LNPK: variants seen among roughly 807,000 people sequenced by gnomAD.
The protein encoded by LNPK is lunapark, ER junction formation factor.
In LNPK, 29 loss-of-function variants were observed where a neutral mutation model predicts 55.2. The ratio of observed to expected loss-of-function variants is 0.53; its 90% CI spans 0.39 to 0.72. LNPK has a LOEUF of 0.72. LNPK is among the 30% of genes least tolerant of loss of function. The pLI is 0.00. For missense variants in LNPK, 467 were observed against 494.8 expected (o/e 0.94, Z 0.53); for synonymous variants, 162 against 168.2 (o/e 0.96, Z 0.29).
chr2:175,999,395 G>A (rs12467858), intron 1 of LNPK, among the ~76,000 whole-genome samples: 10,997 of 152,200 alleles, frequency 0.072, 429 homozygotes, highest in South Asian at 0.098. Context: ...GTAAAAGAGG[G>A]ATAGTTAAGG....
chr2:175,990,449 C>A (rs755592128), intron 4 of LNPK, among the ~76,000 whole-genome samples: 1 of 152,182 alleles, frequency 6.6e-6, no homozygotes, highest in Admixed American at 6.5e-5. Context: ...CTTGTACAGT[C>A]TGCAGAACCA....
chr2:175,967,123 A>G (rs1227288433), intron 6 of LNPK, among the ~76,000 whole-genome samples: 2 of 152,192 alleles, frequency 1.3e-5, no homozygotes, highest in Non-Finnish European at 2.9e-5. Context: ...GCAGCCCAAA[A>G]CAAATTCGTA....
upstream of LNPK, chr2:176,002,386 G>A (rs1688206195): frequency 2.8e-6 from 1 of 357,238 alleles, no homozygotes. Context: ...TAGTTGTTGG[G>A]GCGGGTCGGC....
At chr2:175,944,621 T>C (rs1018685439) in intron 9 of LNPK, among the ~76,000 whole-genome samples, 1 of 152,122 alleles carries the variant, frequency 6.6e-6, no homozygotes, top group African/African-American at 2.4e-5. Flanking sequence ...GAGGTTTACA[T>C]GGAGACTTCA....
intron 6 of LNPK, among the ~76,000 whole-genome samples, chr2:175,969,905 G>A (rs1686572853): frequency 6.6e-6 from 1 of 152,000 alleles, no homozygotes; most frequent in African/African-American, 2.4e-5. Flanking sequence ...CTTAAAACCA[G>A]TATCTATTAT....
chr2:175,990,236 G>C (rs186217982), intron 4 of LNPK, among the ~76,000 whole-genome samples: 2 of 152,326 alleles, frequency 1.3e-5, no homozygotes, highest in East Asian at 3.9e-4. Context: ...ATGAACAGAT[G>C]AATGTCCTCC....
At chr2:175,988,079 T>A (rs1380717873) in intron 4 of LNPK, among the ~76,000 whole-genome samples, 3 of 152,226 alleles carry the variant, frequency 2.0e-5, no homozygotes, top group African/African-American at 4.8e-5. Context: ...CCAACCTTCA[T>A]ATATGCAACA....
rs1373615962 is a variant in LNPK at position 175,928,681 on chromosome 2, T to TA, written c.*1285_*1286insT. The TA allele has an allele frequency of 6.6e-6, 1 of 152,114 alleles. No homozygotes were observed. The highest frequency in any genetic ancestry group is 1.5e-5 in the Non-Finnish European group (1 of 68,002). 9.4% of individuals were successfully genotyped at this position (152,114 alleles called of 1,614,324 possible). The stretch of plus-strand genomic sequence containing the variant: ...TATTTTTCCCTTCAGCATAATAATT[T>TA]GATTTCCATTTTTTTTAATATTGGA... On this transcript the variant is annotated 3_prime_UTR_variant, in exon 13 of 13. Transcript: ENST00000272748.
In LNPK at chr2:175,992,262, T is replaced by C. The variant is rs763540898; in HGVS notation, c.226A>G (p.Met76Val). 1.9e-6 allele frequency: 3 copies of C among 1,561,584 alleles called. No individual in the cohort carries two copies. The highest frequency in any genetic ancestry group is 2.2e-5 in the Admixed American group (1 of 45,824). ...LPDEFTARLA[M>V]TLPFFAFPLI... is the part of the protein sequence containing the mutation. The stretch of plus-strand genomic sequence containing the variant: ...GGAAAAGCAAAAAATGGGAGTGTCA[T>C]GGCAAGTCTTGCTGTAAATTCATCA... Residue 76 changes from methionine (M) to valine (V), a missense_variant, in exon 4 of 13, where the codon ATG becomes GTG. Met to Val is a conservative substitution (Grantham distance 21). Transcript: ENST00000272748.
intron 10 of LNPK, 85 bp downstream of exon 10, chr2:175,939,467 C>A: frequency 1.7e-6 from 1 of 596,342 alleles, no homozygotes; most frequent in Non-Finnish European, 2.9e-6. Context: ...AAAATAGGTG[C>A]CACAAAACTA....
intron 12 of LNPK, among the ~76,000 whole-genome samples, chr2:175,934,848 A>C (rs1193414303): frequency 6.6e-6 from 1 of 151,992 alleles, no homozygotes; most frequent in African/African-American, 2.4e-5. Flanking sequence ...TTACCAAAGC[A>C]TCTGGATGTA....
intron 8 of LNPK, among the ~76,000 whole-genome samples, chr2:175,951,776 G>A (rs1685432478): frequency 6.6e-6 from 1 of 151,592 alleles, no homozygotes; most frequent in Admixed American, 6.6e-5. Flanking sequence ...GGATCAAATG[G>A]TAGTTCTACT....
intron 1 of LNPK, among the ~76,000 whole-genome samples, chr2:175,996,818 CA>C (rs1413530412): frequency 6.6e-6 from 1 of 152,128 alleles, no homozygotes; most frequent in Non-Finnish European, 1.5e-5. Context: ...ATAGACTCAA[CA>C]ATATTATATT....
chr2:175,986,735 C>A (rs1687432640), intron 4 of LNPK, among the ~76,000 whole-genome samples: 1 of 151,722 alleles, frequency 6.6e-6, no homozygotes, highest in Non-Finnish European at 1.5e-5. Flanking sequence ...ATTCAACAAC[C>A]TTTCTTGATT....
At chr2:175,981,373 A>AC (rs1687166719) in intron 4 of LNPK, among the ~76,000 whole-genome samples, 1 of 152,212 alleles carries the variant, frequency 6.6e-6, no homozygotes, top group Non-Finnish European at 1.5e-5. Flanking sequence ...AACACTCAGC[A>AC]AAGAACTGAT....
At position 175,993,562 on chromosome 2, in the gene LNPK, T is replaced by C. The variant is rs150692748; in HGVS notation, c.28-339A>G. Among the ~76,000 whole-genome samples the C allele has an allele frequency of 2.3e-3, 351 of 152,254 alleles. 1 individual carries two copies. Among genetic ancestry groups the C allele is most frequent in the African/African-American group, 8.1e-3 (336 of 41,576 alleles). On this transcript the variant is annotated intron_variant, in intron 2 of 12. Transcript: ENST00000272748. Reference sequence around the variant, plus strand: ...ACGCACGGTGGCTCACGCCTGCACTTTGGGAGGCCAAGGTGGGCGGATCAC... The same window carrying C: ...ACGCACGGTGGCTCACGCCTGCACTCTGGGAGGCCAAGGTGGGCGGATCAC...
rs189356484 is a variant in LNPK at position 175,946,864 on chromosome 2, G to A, written c.706+616C>T. ...GTCACACTCCAAAAGAAACTGGAGGGTACTATAGTCTATTACACTTCAGAA... is the reference window on the plus strand; with the variant it reads ...GTCACACTCCAAAAGAAACTGGAGGATACTATAGTCTATTACACTTCAGAA... On this transcript the variant is annotated intron_variant, in intron 9 of 12. Transcript: ENST00000272748. 4.7e-3 allele frequency among the ~76,000 whole-genome samples: 715 copies of A among 152,204 alleles called. 7 individuals are homozygous for A. The highest frequency in any genetic ancestry group is 8.6e-3 in the Non-Finnish European group (586 of 67,988).
At chr2:175,991,646 TACCATAC>T (rs1197977682) in intron 4 of LNPK, among the ~76,000 whole-genome samples, 1 of 152,232 alleles carries the variant, frequency 6.6e-6, no homozygotes, top group African/African-American at 2.4e-5. Context: ...TATTTTTATG[TACCATAC>T]ACCATTATAA....
At position 176,002,196 on chromosome 2, in the gene LNPK, C is replaced by G. The variant is rs1257191323; in HGVS notation, c.-99G>C. 2.2e-6 allele frequency: 1 copy of G among 449,682 alleles called. No homozygotes were observed. Among genetic ancestry groups the G allele is most frequent in the South Asian group, 1.6e-5 (1 of 63,720 alleles). 27.9% of individuals were successfully genotyped at this position (449,682 alleles called of 1,614,324 possible). ...GGGCGCAGCCCGGCCCGGGCGTCCACCCCCGCCAGTCTCGGCCGCCACCGC... is the reference window on the plus strand; with the variant it reads ...GGGCGCAGCCCGGCCCGGGCGTCCAGCCCCGCCAGTCTCGGCCGCCACCGC... On this transcript the variant is annotated 5_prime_UTR_variant, in exon 1 of 13. Coordinates refer to ENST00000272748, the MANE Select transcript of LNPK (RefSeq NM_030650.3).
Sources: allele counts gnomAD v4.1 joint callset (sites outside exome capture counted in the v4.1 genomes callset), GRCh38; gene constraint gnomAD v4.1.1; transcripts MANE v1.5; gene names NCBI Gene and HGNC (gene_info 2026-07-23, HGNC 2026-07-21).